CFAP91: variants seen among roughly 807,000 people sequenced by gnomAD.
CFAP91 encodes cilia and flagella associated protein 91, also known as cilia- and flagella-associated protein 91.
A neutral mutation model predicts 95.9 loss-of-function variants in CFAP91; 85 were observed. That is an observed-to-expected ratio of 0.89 (90% confidence interval 0.74 to 1.06). The LOEUF is 1.06. CFAP91 is among the 50% of genes least tolerant of loss of function. The probability of loss-of-function intolerance (pLI) is 0.00; values close to 1 mark genes in which losing one functional copy is unlikely to be tolerated. For synonymous variants in CFAP91, 335 were observed against 327.5 expected (o/e 1.02, Z -0.25); for missense variants, 962 against 943.4 (o/e 1.02, Z -0.26).
At position 119,720,558 on chromosome 3, in the gene CFAP91, G is replaced by A. The variant is rs1188236703; in HGVS notation, c.682+4815G>A. Among the ~76,000 whole-genome samples the A allele has an allele frequency of 4.6e-5, 7 of 152,200 alleles. No homozygotes were observed. In the East Asian group the frequency reaches 1.2e-3, roughly 25 times the overall value. ...AAAAAAATTCTTTTAAGAGCACCAG[G>A]CCTAAACAGTTTTACAGGTAAGTTT... On this transcript the variant is annotated intron_variant, in intron 6 of 17. Coordinates refer to ENST00000273390, the MANE Select transcript of CFAP91 (RefSeq NM_033364.4).
chr3:119,737,402 A>C lies in CFAP91; in HGVS notation c.1381A>C (p.Lys461Gln). 1 of 1,610,310 alleles carries C rather than the reference A, an allele frequency of 6.2e-7. No homozygotes were observed. The highest frequency in any genetic ancestry group is 1.7e-5 in the Admixed American group (1 of 59,360). ...TAAGAAGAATAAAGTTCTTGAAGTAAAGAAACCCCCTCGCTTCCTTCAAAG... is the reference window on the plus strand; with the variant it reads ...TAAGAAGAATAAAGTTCTTGAAGTACAGAAACCCCCTCGCTTCCTTCAAAG... Reference protein sequence around the residue: ...LDKKNKVLEVKKPPRFLQRNP... With the variant: ...LDKKNKVLEVQKPPRFLQRNP... Residue 461 changes from lysine to glutamine, a missense_variant, in exon 11 of 18, where the codon AAG (lysine) becomes CAG (glutamine). Lys to Gln is a moderately conservative substitution (Grantham distance 53, BLOSUM62 1). Transcript: ENST00000273390.
At chr3:119,714,912 T>C (rs537903405) in intron 5 of CFAP91, among the ~76,000 whole-genome samples, 1 of 152,380 alleles carries the variant, frequency 6.6e-6, no homozygotes, top group East Asian at 1.9e-4. Context: ...TATTGACTTA[T>C]GTTTCCTGTT....
chr3:119,717,089 G>A (rs552630550), intron 6 of CFAP91, among the ~76,000 whole-genome samples: 1 of 152,336 alleles, frequency 6.6e-6, no homozygotes, highest in Admixed American at 6.5e-5. Context: ...GAAGTAGCTG[G>A]GAACCTTTGG....
Position 119,732,410 on chromosome 3 carries a change from G to T in CFAP91, c.1135G>T (p.Gly379Trp). ...SQVYGPLSRL[G>W]CFPDNNSEDF... ...GGTCTATGGACCTCTGTCTCGTCTT[G>T]GGTGTTTCCCAGACAACAACTCAGA... The change falls in exon 9 of 18, where the codon GGG becomes TGG. Residue 379 changes from glycine to tryptophan, a missense_variant. By Grantham distance (184) the Gly-to-Trp change is radical. Transcript: ENST00000273390. 6.2e-7 allele frequency: 1 copy of T among 1,612,926 alleles called. No individual in the cohort carries two copies. The highest frequency in any genetic ancestry group is 1.1e-5 in the South Asian group (1 of 90,786).
At position 119,703,121 on chromosome 3, in the gene CFAP91, A is replaced by AGT; in HGVS notation, c.24_25insTG (p.Glu9TrpfsTer55). The AGT allele has an allele frequency of 6.4e-7, 1 of 1,566,466 alleles. No homozygotes were observed. The highest frequency in any genetic ancestry group is 8.7e-7 in the Non-Finnish European group (1 of 1,155,020). ...ACCATGAGCCACGCAGTAACCATCG[A>AGT]GGAGCCCCAGGCCCAGCCGCAGGTG... On this transcript the variant is annotated frameshift_variant, in exon 1 of 18. Transcript: ENST00000273390. LOFTEE classifies it high-confidence loss of function.
intron 6 of CFAP91, among the ~76,000 whole-genome samples, chr3:119,724,122 C>T (rs2053735336): frequency 2.7e-5 from 4 of 146,528 alleles, no homozygotes; most frequent in South Asian, 2.1e-4. Context: ...GAGCCGAGAT[C>T]GTGCCATTGC....
At chr3:119,748,604 C>G (rs2054268743) in intron 16 of CFAP91, among the ~76,000 whole-genome samples, 1 of 152,104 alleles carries the variant, frequency 6.6e-6, no homozygotes, top group Admixed American at 6.5e-5. Flanking sequence ...CGGGGAATTC[C>G]AGATGGGCTT....
intron 1 of CFAP91, among the ~76,000 whole-genome samples, chr3:119,705,421 T>A (rs1321942325): frequency 6.6e-6 from 1 of 152,184 alleles, no homozygotes; most frequent in African/African-American, 2.4e-5. Flanking sequence ...CTCTTTCCCC[T>A]CCTTCATTCT....
chr3:119,744,024 C>T lies in CFAP91; in HGVS notation c.1730C>T (p.Ala577Val). ...GCCGGACTGGAAGGAAGGGCACTAG[C>T]AGACATGTTTGACTTCCTGTCCAAA... ...HLAGLEGRAL[A>V]DMFDFLSKEL... Residue 577 changes from alanine to valine, a missense_variant, in exon 14 of 18, where the codon GCA becomes GTA. Transcript: ENST00000273390. The T allele has an allele frequency of 6.2e-7, 1 of 1,614,064 alleles. No homozygotes were observed. Among genetic ancestry groups the T allele is most frequent in the Non-Finnish European group, 8.5e-7 (1 of 1,179,904 alleles).
At chr3:119,734,549 AT>A (rs2053964777) in intron 10 of CFAP91, among the ~76,000 whole-genome samples, 3 of 152,114 alleles carry the variant, frequency 2.0e-5, no homozygotes, top group Admixed American at 2.0e-4. Flanking sequence ...ATTTTTGTAT[AT>A]TTTTTAATTA....
chr3:119,722,025 T>C (rs765802109), intron 6 of CFAP91, among the ~76,000 whole-genome samples: 4 of 151,804 alleles, frequency 2.6e-5, no homozygotes, highest in African/African-American at 4.8e-5. Flanking sequence ...AAAGAAAAAT[T>C]AGCCAAGTGT....
At chr3:119,739,564 C>T (rs947374913) in intron 12 of CFAP91, among the ~76,000 whole-genome samples, 1 of 151,542 alleles carries the variant, frequency 6.6e-6, no homozygotes, top group Non-Finnish European at 1.5e-5. Context: ...CTGCTATTTG[C>T]CATGGTTGTA....
At chr3:119,728,359 G>A (rs1470693298) in intron 7 of CFAP91, among the ~76,000 whole-genome samples, 1 of 152,122 alleles carries the variant, frequency 6.6e-6, no homozygotes, top group East Asian at 1.9e-4. Context: ...AGGGGTTGAG[G>A]CCCAGCAATC....
chr3:119,740,246 A>T (rs1403010352), intron 12 of CFAP91, among the ~76,000 whole-genome samples: 1 of 152,238 alleles, frequency 6.6e-6, no homozygotes, highest in Non-Finnish European at 1.5e-5. Flanking sequence ...GGAGCACAGG[A>T]AATGAGGGGA....
chr3:119,742,263 T>C (rs1428433596), intron 13 of CFAP91, among the ~76,000 whole-genome samples: 1 of 152,192 alleles, frequency 6.6e-6, no homozygotes, highest in Non-Finnish European at 1.5e-5. Context: ...TGTACTTGGA[T>C]ACACCCTGGA....
chr3:119,716,466 G>C (rs6792664), intron 6 of CFAP91, among the ~76,000 whole-genome samples: 139,051 of 152,254 alleles, frequency 0.91, 64,804 homozygotes, highest in Non-Finnish European at 1. Context: ...ACTTTCCCCC[G>C]CATTGTAACA....
chr3:119,762,429 C>G (rs931802498), intron 17 of CFAP91, among the ~76,000 whole-genome samples: 2 of 151,980 alleles, frequency 1.3e-5, no homozygotes, highest in African/African-American at 4.8e-5. Context: ...TCTACAGATT[C>G]AATGCAATCT....
At chr3:119,737,341 A>G in intron 10 of CFAP91, 25 bp from the exon 11 acceptor site, 1 of 1,390,850 alleles carries the variant, frequency 7.2e-7, no homozygotes, top group East Asian at 2.3e-5. Context: ...AAAAAAAGAG[A>G]TTATATTAAT....
intron 6 of CFAP91, among the ~76,000 whole-genome samples, chr3:119,719,242 A>AATGTAAAAATTAGTTTTG (rs2053635945): frequency 6.6e-6 from 1 of 152,238 alleles, no homozygotes. Context: ...AAACCAGTCA[A>AATGTAAAAATTAGTTTTG]AACTAAATTA....
Sources: allele counts gnomAD v4.1 joint callset (sites outside exome capture counted in the v4.1 genomes callset), GRCh38; gene constraint gnomAD v4.1.1; transcripts MANE v1.5; gene names NCBI Gene and HGNC (gene_info 2026-07-23, HGNC 2026-07-21).